Variants in WDR89 observed in about 807,000 individuals in gnomAD.
The protein encoded by WDR89 is WD repeat domain 89.
WDR89 carries 17 observed loss-of-function variants against 29.1 expected under a neutral mutation model. The observed-to-expected ratio is 0.58, with a 90% confidence interval of 0.40 to 0.88. The LOEUF (loss-of-function observed/expected upper bound fraction) is 0.88. Ranked by LOEUF, WDR89 falls within the 40% of genes least tolerant of loss-of-function variation. The pLI, the probability that WDR89 is intolerant of heterozygous loss-of-function variation, is 0.00. For synonymous variants in WDR89, 138 were observed against 157.8 expected (o/e 0.87, Z 0.94); for missense variants, 396 against 456.3 (o/e 0.87, Z 1.20).
At position 63,625,891 on chromosome 14, in the gene WDR89, G is replaced by C. The variant is rs534257831; in HGVS notation, c.-137-858C>G. 2.7e-5 allele frequency among the ~76,000 whole-genome samples: 4 copies of C among 147,890 alleles called. No homozygotes were observed. In the East Asian group the frequency reaches 7.9e-4, roughly 29 times the overall value. ...TTTTTTTTTGAGACAGTCTAGCTCT[G>C]TCACCAGGCTCGAGAGCAGCAGCGT... is the stretch of plus-strand genomic sequence containing the variant. On this transcript the variant is annotated intron_variant, in intron 1 of 2. Transcript: ENST00000620954.
At chr14:63,600,319 C>A (rs1034548025) in intron 2 of WDR89, among the ~76,000 whole-genome samples, 3 of 151,232 alleles carry the variant, frequency 2.0e-5, no homozygotes, top group African/African-American at 7.3e-5. Context: ...CATGGGGAGA[C>A]CCCCCCGCCG....
chr14:63,639,487 T>C (rs1883958622), intron 1 of WDR89, among the ~76,000 whole-genome samples: 1 of 151,636 alleles, frequency 6.6e-6, no homozygotes, highest in Non-Finnish European at 1.5e-5. Context: ...AATAAATGTG[T>C]GTTATTCGAA....
At chr14:63,640,217 A>G (rs1884012256) in intron 1 of WDR89, among the ~76,000 whole-genome samples, 2 of 152,218 alleles carry the variant, frequency 1.3e-5, no homozygotes, top group Admixed American at 1.3e-4. Flanking sequence ...CATAGGTTGC[A>G]GTGCAGTCCA....
intron 1 of WDR89, among the ~76,000 whole-genome samples, chr14:63,641,576 C>G (rs1884140788): frequency 6.6e-6 from 1 of 152,268 alleles, no homozygotes. Context: ...GCAGCCTGAC[C>G]CGCAGAAGTT....
intron 2 of WDR89, among the ~76,000 whole-genome samples, chr14:63,615,043 G>A (rs1247150189): frequency 6.6e-6 from 1 of 152,188 alleles, no homozygotes; most frequent in Non-Finnish European, 1.5e-5. Flanking sequence ...CTAAGGAAAA[G>A]GGGGAGGACT....
intron 1 of WDR89, among the ~76,000 whole-genome samples, chr14:63,627,136 ACACACACACACACACTCTCTCT>A (rs1337568988): frequency 1.6e-5 from 2 of 126,092 alleles, no homozygotes; most frequent in African/African-American, 6.6e-5. Context: ...ACACACACAC[ACACACACACACACACTCTCTCT>A]CTCTCTCTCT....
chr14:63,621,050 T>C (rs918708095), intron 2 of WDR89, among the ~76,000 whole-genome samples: 1 of 152,094 alleles, frequency 6.6e-6, no homozygotes, highest in Non-Finnish European at 1.5e-5. Flanking sequence ...CATCTTGCTG[T>C]ACTCCATAAA....
At chr14:63,625,775 T>C (rs889627407) in intron 1 of WDR89, among the ~76,000 whole-genome samples, 7 of 152,188 alleles carry the variant, frequency 4.6e-5, no homozygotes, top group African/African-American at 1.7e-4. Context: ...ATTAGTGCTA[T>C]TTTAACTGCT....
At chr14:63,609,006 G>A (rs1172266928) in intron 2 of WDR89, among the ~76,000 whole-genome samples, 3 of 152,116 alleles carry the variant, frequency 2.0e-5, no homozygotes, top group Non-Finnish European at 4.4e-5. Context: ...GGCTGAGGCA[G>A]GGGAATGAGG....
chr14:63,601,791 G>C, intron 2 of WDR89: 1 of 1,174,220 alleles, frequency 8.5e-7, no homozygotes, highest in East Asian at 2.3e-5. Context: ...AGATGGTGAC[G>C]TTCTTGGAAA....
intron 2 of WDR89, chr14:63,618,127 G>C (rs1279351313): frequency 6.6e-6 from 1 of 152,126 alleles, no homozygotes; most frequent in Admixed American, 6.6e-5. Context: ...ACCAGTTTGT[G>C]AAACATTCCA....
chr14:63,607,472 A>G (rs1219463459), intron 2 of WDR89, among the ~76,000 whole-genome samples: 1 of 152,166 alleles, frequency 6.6e-6, no homozygotes, highest in African/African-American at 2.4e-5. Context: ...TGGAATGTGC[A>G]TGGAGTAGAG....
At position 63,613,914 on chromosome 14, in the gene WDR89, G is replaced by A. The variant is rs147407338; in HGVS notation, c.-32+11014C>T. Among the ~76,000 whole-genome samples the A allele has an allele frequency of 2.1e-3, 318 of 148,516 alleles. 1 individual carries two copies. Among genetic ancestry groups the A allele is most frequent in the Non-Finnish European group, 4.0e-3 (270 of 67,658 alleles). ...TCCTCCTGCTTTGGCCTCCCAAAGC[G>A]CTGGGATTATAGGCATGAACCACCA... On this transcript the variant is annotated intron_variant, in intron 2 of 2. Transcript: ENST00000620954.
intron 2 of WDR89, among the ~76,000 whole-genome samples, chr14:63,615,422 T>C (rs1356803011): frequency 6.6e-6 from 1 of 152,182 alleles, no homozygotes; most frequent in African/African-American, 2.4e-5. Flanking sequence ...TTTCTAATTT[T>C]GAAAAGACGC....
Position 63,597,372 on chromosome 14 carries a change from T to G in WDR89, c.*1407A>C, listed in dbSNP as rs1894845190. The G allele has an allele frequency of 3.9e-5, 6 of 152,316 alleles. No individual in the cohort carries two copies. Among genetic ancestry groups the G allele is most frequent in the African/African-American group, 1.2e-4 (5 of 41,572 alleles). The allele number at this position is 152,316 out of a possible 1,614,324, so 9.4% of individuals were successfully genotyped here. On this transcript the variant is annotated 3_prime_UTR_variant, in exon 3 of 3. Coordinates refer to ENST00000620954, the MANE Select transcript of WDR89 (RefSeq NM_080666.4). ...GGACACAGACAAACCATACCAGCCA[T>G]TTATGTTATTTCTAATAACCCACTG...
At chr14:63,616,551 T>C (rs531340740) in intron 2 of WDR89, among the ~76,000 whole-genome samples, 1 of 152,246 alleles carries the variant, frequency 6.6e-6, no homozygotes, top group African/African-American at 2.4e-5. Flanking sequence ...ACATTTGAGC[T>C]GAGACCAGGA....
At chr14:63,630,716 CCA>C (rs1883345233) in intron 1 of WDR89, 8 of 151,762 alleles carry the variant, frequency 5.3e-5, no homozygotes, top group Admixed American at 4.6e-4. Flanking sequence ...AATCAGAAGG[CCA>C]CAGAGATGAG....
chr14:63,641,198 G>A (rs1435942182), intron 1 of WDR89: 2 of 151,838 alleles, frequency 1.3e-5, no homozygotes, highest in African/African-American at 2.4e-5. Flanking sequence ...ATCCATGGAA[G>A]CTGAATGCCA....
intron 2 of WDR89, among the ~76,000 whole-genome samples, chr14:63,624,264 C>T (rs1882894249): frequency 6.6e-6 from 1 of 151,930 alleles, no homozygotes; most frequent in Non-Finnish European, 1.5e-5. Context: ...TCCAGGAGTT[C>T]AAGATCAGCC....
Sources: allele counts gnomAD v4.1 joint callset (sites outside exome capture counted in the v4.1 genomes callset), GRCh38; gene constraint gnomAD v4.1.1; transcripts MANE v1.5; gene names NCBI Gene and HGNC (gene_info 2026-07-23, HGNC 2026-07-21).